The following DNAH5 variants were observed in gnomAD, a reference collection of about 807,000 sequenced individuals.
DNAH5 encodes dynein axonemal heavy chain 5, also known as axonemal beta dynein heavy chain 5.
DNAH5 carries 372 observed loss-of-function variants against 518.2 expected under a neutral mutation model. That is an observed-to-expected ratio of 0.72 (90% CI 0.66 to 0.78). DNAH5 has a LOEUF of 0.78. Ranked by LOEUF, DNAH5 falls within the 30% of genes least tolerant of loss-of-function variation. The pLI, the probability that DNAH5 is intolerant of heterozygous loss-of-function variation, is 0.00. For missense variants in DNAH5, 5,523 were observed against 5,687.0 expected (o/e 0.97, Z 0.93); for synonymous variants, 2,039 against 2,025.9 (o/e 1.01, Z -0.17).
chr5:13,758,861 G>A lies in DNAH5; in HGVS notation c.10404C>T (p.Ala3468=). 6.2e-7 allele frequency: 1 copy of A among 1,614,158 alleles called. No homozygotes were observed. Among genetic ancestry groups the A allele is most frequent in the Non-Finnish European group, 8.5e-7 (1 of 1,180,014 alleles). Residue 3468 remains alanine (A), a synonymous_variant, in exon 61 of 79, where the codon GCC becomes GCT. Transcript: ENST00000265104. ...LDVVQAEYEQ[A]MTEKQTLLED... ...GGGCAGTTACCTGCTTTTCAGTCAT[G>A]GCCTGTTCATACTCAGCCTGCACCA...
At chr5:13,764,693 A>C (rs1752267974) in intron 59 of DNAH5, among the ~76,000 whole-genome samples, 1 of 152,230 alleles carries the variant, frequency 6.6e-6, no homozygotes. Context: ...TCCACTCCTG[A>C]GTATGAAACC....
At chr5:13,991,382 TG>T (rs1271547643) in intron 1 of DNAH5, among the ~76,000 whole-genome samples, 1 of 151,964 alleles carries the variant, frequency 6.6e-6, no homozygotes, top group Non-Finnish European at 1.5e-5. Flanking sequence ...AAAGAAGATA[TG>T]GGCTGAATCG....
intron 15 of DNAH5, among the ~76,000 whole-genome samples, chr5:13,895,542 C>G (rs569813654): frequency 2.0e-5 from 3 of 152,148 alleles, no homozygotes; most frequent in Non-Finnish European, 2.9e-5. Flanking sequence ...ACACCCATCA[C>G]CCAAAACATG....
chr5:13,994,237 C>A (rs1434311524), intron 1 of DNAH5, among the ~76,000 whole-genome samples: 1 of 152,144 alleles, frequency 6.6e-6, no homozygotes, highest in Non-Finnish European at 1.5e-5. Context: ...TGCCTTTGAC[C>A]CCAGGTCTTA....
intron 53 of DNAH5, 43 bp from the exon 54 acceptor site, chr5:13,777,398 A>C (rs1406131878): frequency 6.3e-7 from 1 of 1,584,650 alleles, no homozygotes; most frequent in South Asian, 1.1e-5. Context: ...AAATATTTTC[A>C]TGAGAGGGAA....
At chr5:13,712,806 G>A (rs182213541) in intron 75 of DNAH5, among the ~76,000 whole-genome samples, 3,373 of 151,898 alleles carry the variant, frequency 0.022, 121 homozygotes, top group African/African-American at 0.076. Context: ...GGCCATAATC[G>A]AAAAATCAAA....
At chr5:13,969,943 T>C (rs1781763637) in intron 1 of DNAH5, among the ~76,000 whole-genome samples, 1 of 152,222 alleles carries the variant, frequency 6.6e-6, no homozygotes, top group Admixed American at 6.5e-5. Flanking sequence ...TACTAATGTC[T>C]ACTAGTAATT....
At chr5:13,916,556 T>C in intron 8 of DNAH5, 101 bp from the exon 9 acceptor site, 1 of 599,480 alleles carries the variant, frequency 1.7e-6, no homozygotes, top group Non-Finnish European at 3.1e-6. Flanking sequence ...TTAAGAGCTT[T>C]CTATTAAAGA....
intron 10 of DNAH5, 24 bp downstream of exon 10, chr5:13,914,496 T>A (rs1200936629): frequency 2.5e-6 from 4 of 1,610,372 alleles, no homozygotes; most frequent in Non-Finnish European, 3.4e-6. Flanking sequence ...GAATAGAACA[T>A]CTAAATACTA....
chr5:13,751,078 C>T lies in DNAH5; in HGVS notation c.11211G>A (p.Gln3737=), dbSNP rs1466312970. 1.9e-6 allele frequency: 3 copies of T among 1,613,836 alleles called. No individual in the cohort carries two copies. The highest frequency in any genetic ancestry group is 2.2e-5 in the East Asian group (1 of 44,854). Residue 3737 remains glutamine (Q), a splice_region_variant and synonymous_variant, in exon 65 of 79, where the codon CAG becomes CAA. Transcript: ENST00000265104. The part of the protein sequence containing the change: ...LLGRVILTEK[Q]ELEKERTHLM... ...TGGGAGGGAGCCACACTTCACTCAC[C>T]TGCTTCTCTGTGAGAATGACCCTCC...
intron 1 of DNAH5, among the ~76,000 whole-genome samples, chr5:13,932,917 T>G (rs142816878): frequency 6.6e-6 from 1 of 152,356 alleles, no homozygotes; most frequent in East Asian, 1.9e-4. Context: ...GCATTGCAGA[T>G]ACAGATAACA....
Position 13,866,252 on chromosome 5 carries a change from G to C in DNAH5, c.4084C>G (p.Gln1362Glu), listed in dbSNP as rs1210217648. The change falls in exon 26 of 79, where the codon CAG becomes GAG. Residue 1362 changes from glutamine to glutamate, a missense_variant. Physicochemically the swap from Gln to Glu is conservative, Grantham distance 29 (BLOSUM62 2). Around this residue, in one of 3 missense-constraint regions of DNAH5, gnomAD observed 5,121 missense variants for 5,223.3 expected, o/e 0.98. Coordinates refer to ENST00000265104, the MANE Select transcript of DNAH5 (RefSeq NM_001369.3). ...ATGATAAGCCTGTCACTGGCTTCCT[G>C]GGGCTTCAAGCCGCTAGCCATTGGA... ...NGPMASGLKP[Q>E]EASDRLIMFQ... 1.2e-6 allele frequency: 2 copies of C among 1,613,128 alleles called. No homozygotes were observed. The highest frequency in any genetic ancestry group is 1.1e-5 in the South Asian group (1 of 91,022).
In DNAH5 at chr5:13,865,551, C is replaced by A. The variant is rs1042954813; in HGVS notation, c.4355+117G>T. 1.4e-5 allele frequency: 11 copies of A among 772,934 alleles called. No individual in the cohort carries two copies. In the Admixed American group the frequency reaches 1.9e-4, roughly 14 times the overall value. 47.9% of individuals were successfully genotyped at this position (772,934 alleles called of 1,614,324 possible). On this transcript the variant is annotated intron_variant, in intron 27 of 78. Transcript: ENST00000265104. The stretch of plus-strand genomic sequence containing the variant: ...CAAGAGTGATGTCAATGGACAAGAA[C>A]AATGCAGCAAGATGTGCTTTTGAAA...
At chr5:13,711,819 G>A (rs1743515429) in intron 75 of DNAH5, among the ~76,000 whole-genome samples, 1 of 152,124 alleles carries the variant, frequency 6.6e-6, no homozygotes, top group Non-Finnish European at 1.5e-5. Context: ...TAACCAAGAA[G>A]TCAAAAGACC....
Position 13,944,412 on chromosome 5 carries a change from G to A in DNAH5, c.27C>T (p.Leu9=). 6.2e-7 allele frequency: 1 copy of A among 1,613,652 alleles called. No individual in the cohort carries two copies. The highest frequency in any genetic ancestry group is 8.5e-7 in the Non-Finnish European group (1 of 1,179,946). MFRIGRRQ[L]WKHSVTRVLT... ...AAACTCGAGTGACGCTATGCTTCCAGAGCTGTCTCCTCCCAATCCTAAACA... is the reference window on the plus strand; with the variant it reads ...AAACTCGAGTGACGCTATGCTTCCAAAGCTGTCTCCTCCCAATCCTAAACA... Residue 9 remains leucine (L), a synonymous_variant, in exon 1 of 79, where the codon CTC becomes CTT. Coordinates refer to ENST00000265104, the MANE Select transcript of DNAH5 (RefSeq NM_001369.3).
intron 35 of DNAH5, among the ~76,000 whole-genome samples, chr5:13,833,553 G>A (rs1393487693): frequency 6.6e-6 from 1 of 151,828 alleles, no homozygotes; most frequent in East Asian, 1.9e-4. Flanking sequence ...GGGTACTTAC[G>A]TTGCCTCTAG....
intron 76 of DNAH5, among the ~76,000 whole-genome samples, 153 bp from the exon 77 acceptor site, chr5:13,701,589 CGTAA>C (rs958848087): frequency 1.1e-4 from 16 of 151,836 alleles, no homozygotes; most frequent in African/African-American, 2.9e-4. Context: ...TGGATTCTGG[CGTAA>C]GTGTTTCAAA....
intron 55 of DNAH5, 95 bp downstream of exon 55, chr5:13,776,344 G>A: frequency 2.6e-6 from 4 of 1,513,478 alleles, no homozygotes; most frequent in Non-Finnish European, 3.7e-6. Context: ...GAGCCTGCCT[G>A]GAGATCCAGC....
chr5:13,781,961 C>T (rs957478231), intron 52 of DNAH5, among the ~76,000 whole-genome samples: 2 of 152,090 alleles, frequency 1.3e-5, no homozygotes, highest in Non-Finnish European at 2.9e-5. Context: ...TTCCACAGCC[C>T]CCTTGTGGCA....
Sources: allele counts gnomAD v4.1 joint callset (sites outside exome capture counted in the v4.1 genomes callset), GRCh38; gene constraint gnomAD v4.1.1; regional missense constraint gnomAD v4.1.1; transcripts MANE v1.5; gene names NCBI Gene and HGNC (gene_info 2026-07-23, HGNC 2026-07-21).